MAGI1: variants seen among roughly 807,000 people sequenced by gnomAD.
MAGI1 encodes the protein membrane associated guanylate kinase, WW and PDZ domain containing 1, also known as membrane-associated guanylate kinase, WW and PDZ domain-containing protein 1.
In MAGI1, 58 loss-of-function variants were observed where a neutral mutation model predicts 139.9. That is an observed-to-expected ratio of 0.41 (90% confidence interval 0.34 to 0.52). MAGI1 has a LOEUF of 0.52. Ranked by LOEUF, MAGI1 falls within the 20% of genes least tolerant of loss-of-function variation. The pLI is 0.12. For missense variants in MAGI1, 1,874 were observed against 1,901.6 expected (o/e 0.99, Z 0.27); for synonymous variants, 812 against 737.9 (o/e 1.10, Z -1.63).
intron 1 of MAGI1, among the ~76,000 whole-genome samples, chr3:66,034,631 C>T (rs2068814945): frequency 6.6e-6 from 1 of 152,086 alleles, no homozygotes; most frequent in Admixed American, 6.6e-5. Context: ...GCAACTGAAA[C>T]ATTAATAACA....
In MAGI1 at chr3:65,391,236, C is replaced by T. The variant is rs1257455862; in HGVS notation, c.2322G>A (p.Glu774=). 2 of 1,614,130 alleles carry T rather than the reference C, an allele frequency of 1.2e-6. No homozygotes were observed. Among genetic ancestry groups the T allele is most frequent in the South Asian group, 1.1e-5 (1 of 91,074 alleles). Residue 774 remains glutamate, a synonymous_variant, in exon 14 of 23, where the codon GAG becomes GAA. Transcript: ENST00000402939. The stretch of plus-strand genomic sequence containing the variant: ...TGTCAGTTTGATCTGGAGCTTGGGC[C>T]TCTGCAGGTGGGAACTCGGGGAGCA... ...TQVLPEFPPA[E]AQAPDQTDSS...
intron 1 of MAGI1, among the ~76,000 whole-genome samples, chr3:65,639,755 C>A (rs1349121729): frequency 6.6e-6 from 1 of 152,094 alleles, no homozygotes; most frequent in Non-Finnish European, 1.5e-5. Flanking sequence ...GTAATCCCAG[C>A]ACTTTGGGAG....
chr3:65,411,869 C>T lies in MAGI1; in HGVS notation c.2168-10399G>A, dbSNP rs779519092. Reference sequence around the variant, plus strand: ...TTCTTTTTCTCTCTCCCACCATATCCGTCTCCAAACGCATTCTGAATCCAT... The same window carrying T: ...TTCTTTTTCTCTCTCCCACCATATCTGTCTCCAAACGCATTCTGAATCCAT... On this transcript the variant is annotated intron_variant, in intron 12 of 22. Coordinates refer to ENST00000402939, the MANE Select transcript of MAGI1 (RefSeq NM_001033057.2). 5.3e-5 allele frequency among the ~76,000 whole-genome samples: 8 copies of T among 152,106 alleles called. No individual in the cohort carries two copies. The East Asian group carries it at 5.8e-4, about 11-fold the overall frequency.
chr3:65,562,480 T>C (rs2080404931), intron 2 of MAGI1, among the ~76,000 whole-genome samples: 1 of 152,202 alleles, frequency 6.6e-6, no homozygotes, highest in Non-Finnish European at 1.5e-5. Context: ...CTTTGTTCTT[T>C]GTTGTGTTTT....
Position 65,356,330 on chromosome 3 carries a change from C to A in MAGI1, c.*48G>T, listed in dbSNP as rs200190351. The A allele has an allele frequency of 1.3e-4, 201 of 1,489,014 alleles. 4 individuals are homozygous for A. The East Asian group carries it at 2.7e-3, about 20-fold the overall frequency. The allele number at this position is 1,489,014 out of a possible 1,614,324, so 92.2% of individuals were successfully genotyped here. A position where few individuals can be genotyped will look rare whatever the true frequency, so the allele number is the denominator to read the frequency against. On this transcript the variant is annotated 3_prime_UTR_variant, in exon 23 of 23. Transcript: ENST00000402939. ...TAAATAATTTCAGGTTTGTGACTTT[C>A]CTCTTAGAACCTTTGACACGGTAAA...
Position 65,383,471 on chromosome 3 carries a change from G to T in MAGI1, c.2508+61C>A, listed in dbSNP as rs540420915. ...TAAATCTTGGTGATTTGTCACTGTC[G>T]CCAATTTGCTTTGAAGCCTTAGAAA... On this transcript the variant is annotated intron_variant, in intron 15 of 22. Transcript: ENST00000402939. 423 of 1,257,382 alleles carry T rather than the reference G, an allele frequency of 3.4e-4. 2 individuals carry two copies. Among genetic ancestry groups the T allele is most frequent in the Non-Finnish European group, 4.7e-4 (401 of 856,644 alleles). The allele number at this position is 1,257,382 out of a possible 1,614,324, so 77.9% of individuals were successfully genotyped here.
intron 1 of MAGI1, among the ~76,000 whole-genome samples, chr3:65,722,547 T>A (rs1178958255): frequency 2.0e-5 from 3 of 152,050 alleles, no homozygotes; most frequent in Admixed American, 1.3e-4. Flanking sequence ...ATGGGAGGAT[T>A]GCTTGAGCCC....
intron 16 of MAGI1, chr3:65,380,878 C>T (rs1010130287): frequency 6.6e-6 from 1 of 152,212 alleles, no homozygotes; most frequent in East Asian, 1.9e-4. Context: ...TGGAATTTAA[C>T]ATCTTAATTC....
intron 1 of MAGI1, among the ~76,000 whole-genome samples, chr3:65,849,055 C>CTTTTT (rs2059113059): frequency 2.1e-5 from 1 of 47,448 alleles, no homozygotes; most frequent in Non-Finnish European, 4.0e-5. Context: ...TGGAGTTTTG[C>CTTTTT]TCTTTTTGCC....
intron 5 of MAGI1, 35 bp from the exon 6 acceptor site, chr3:65,453,375 GAA>G (rs370264784): frequency 0.019 from 15,247 of 806,152 alleles, no homozygotes; most frequent in South Asian, 0.021. Context: ...AAATTTGTTT[GAA>G]AAAAAAAAAA....
At chr3:65,691,886 C>CTAA (rs1245977093) in intron 1 of MAGI1, among the ~76,000 whole-genome samples, 1 of 152,158 alleles carries the variant, frequency 6.6e-6, no homozygotes, top group Non-Finnish European at 1.5e-5. Context: ...CAGTTCCAAC[C>CTAA]TAATTAGCTT....
chr3:65,936,590 C>CAA (rs747000741), intron 1 of MAGI1, among the ~76,000 whole-genome samples: 9 of 116,044 alleles, frequency 7.8e-5, no homozygotes, highest in African/African-American at 2.9e-4. Context: ...GACTCCCTCT[C>CAA]AAAAAAAAAA....
intron 1 of MAGI1, among the ~76,000 whole-genome samples, chr3:65,622,561 T>C (rs1053716389): frequency 2.0e-5 from 3 of 152,146 alleles, no homozygotes; most frequent in African/African-American, 7.2e-5. Context: ...GCTTTTTTTA[T>C]TTTTTTAATT....
At position 65,581,388 on chromosome 3, in the gene MAGI1, C is replaced by T. The variant is rs551606824; in HGVS notation, c.430+40584G>A. Among the ~76,000 whole-genome samples the T allele has an allele frequency of 3.3e-5, 5 of 152,212 alleles. No homozygotes were observed. In the East Asian group the frequency reaches 5.8e-4, roughly 18 times the overall value. On this transcript the variant is annotated intron_variant, in intron 2 of 22. Coordinates refer to ENST00000402939, the MANE Select transcript of MAGI1 (RefSeq NM_001033057.2). ...AGAAAAAAAAAGGCAAATGAGGCCA[C>T]GGAAGTTCTCTGCTCAAAAACCCAA...
chr3:65,684,547 G>A lies in MAGI1; in HGVS notation c.314-62459C>T, dbSNP rs13078581. Reference sequence around the variant, plus strand: ...GAGAGATGGGTGTGGCTATAGAAGGGATTTTGGTGGTATTAGCACTGTTCA... The same window carrying A: ...GAGAGATGGGTGTGGCTATAGAAGGAATTTTGGTGGTATTAGCACTGTTCA... On this transcript the variant is annotated intron_variant, in intron 1 of 22. Transcript: ENST00000402939. Among the ~76,000 whole-genome samples the A allele has an allele frequency of 2.9e-3, 434 of 152,250 alleles. 3 individuals are homozygous for A. Among genetic ancestry groups the A allele is most frequent in the Middle Eastern group, 0.01 (3 of 294 alleles).
At position 65,383,543 on chromosome 3, in the gene MAGI1, G is replaced by C. The variant is rs756990030; in HGVS notation, c.2497C>G (p.Pro833Ala). 2.5e-6 allele frequency: 4 copies of C among 1,612,462 alleles called. No homozygotes were observed. Among genetic ancestry groups the C allele is most frequent in the Non-Finnish European group, 3.4e-6 (4 of 1,178,512 alleles). Residue 833 changes from proline to alanine, a missense_variant, in exon 15 of 23, where the codon CCA becomes GCA. Pro to Ala is a conservative substitution (Grantham distance 27, BLOSUM62 -1). Transcript: ENST00000402939. ...AGCAAAAGACTCACAGGTTCCCCTG[G>C]TTCATTTCCACCCAGAATCCTAAAT... ...FGFRILGGNE[P>A]GEPIYIGHIV...
chr3:65,762,751 C>G (rs1436102203), intron 1 of MAGI1, among the ~76,000 whole-genome samples: 1 of 152,100 alleles, frequency 6.6e-6, no homozygotes, highest in East Asian at 1.9e-4. Context: ...ATAGGTATTA[C>G]TGTTTTTCCT....
At chr3:65,921,198 G>A (rs936008781) in intron 1 of MAGI1, among the ~76,000 whole-genome samples, 5 of 152,074 alleles carry the variant, frequency 3.3e-5, no homozygotes, top group African/African-American at 1.2e-4. Context: ...TGTTTGCCAT[G>A]TTGGAAGAAA....
chr3:65,715,370 G>A (rs954279929), intron 1 of MAGI1, among the ~76,000 whole-genome samples: 1 of 152,056 alleles, frequency 6.6e-6, no homozygotes, highest in Non-Finnish European at 1.5e-5. Flanking sequence ...TTTTGTTTTG[G>A]TTTTAGTAAT....
Sources: allele counts gnomAD v4.1 joint callset (sites outside exome capture counted in the v4.1 genomes callset), GRCh38; gene constraint gnomAD v4.1.1; transcripts MANE v1.5; gene names NCBI Gene and HGNC (gene_info 2026-07-23, HGNC 2026-07-21).